SORCS3: variants seen among roughly 807,000 people sequenced by gnomAD.
SORCS3 encodes the protein VPS10 domain-containing receptor SorCS3.
A neutral mutation model predicts 146.3 loss-of-function variants in SORCS3; 57 were observed. The ratio of observed to expected loss-of-function variants is 0.39; its 90% CI spans 0.31 to 0.49. The LOEUF (loss-of-function observed/expected upper bound fraction) is 0.49, where lower values mean the gene tolerates loss of function less well. SORCS3 is among the 20% of genes least tolerant of loss of function. The pLI, the probability that SORCS3 is intolerant of heterozygous loss-of-function variation, is 0.92. For missense variants in SORCS3, 1,341 were observed against 1,575.5 expected, an observed-to-expected ratio of 0.85 and a Z score of 2.52; for synonymous variants, 653 against 618.5, an observed-to-expected ratio of 1.06 and a Z score of -0.83.
intron 6 of SORCS3, among the ~76,000 whole-genome samples, chr10:105,096,285 C>G (rs900645057): frequency 6.6e-6 from 1 of 152,148 alleles, no homozygotes; most frequent in Non-Finnish European, 1.5e-5. Flanking sequence ...AACCAACGCA[C>G]TAGATCTGAG....
chr10:104,822,043 T>G, intron 1 of SORCS3: 3 of 515,172 alleles, frequency 5.8e-6, no homozygotes, highest in Non-Finnish European at 3.9e-6. Context: ...AAGGTCCACA[T>G]TTGTTTCCAC....
intron 2 of SORCS3, among the ~76,000 whole-genome samples, chr10:104,861,811 G>A (rs1171630218): frequency 6.6e-6 from 1 of 152,128 alleles, no homozygotes; most frequent in East Asian, 1.9e-4. Context: ...CACCGTCCTG[G>A]AGGCTGAGTC....
chr10:105,195,739 A>G (rs1251738779), intron 14 of SORCS3, among the ~76,000 whole-genome samples: 1 of 152,202 alleles, frequency 6.6e-6, no homozygotes, highest in Non-Finnish European at 1.5e-5. Flanking sequence ...CAATGGGTGG[A>G]TCGATGTGGA....
intron 5 of SORCS3, among the ~76,000 whole-genome samples, chr10:105,078,465 G>A (rs1168492386): frequency 6.6e-6 from 1 of 151,916 alleles, no homozygotes; most frequent in Non-Finnish European, 1.5e-5. Context: ...TTCTCACTCT[G>A]TGTCAATAGT....
chr10:104,699,181 G>A (rs2016252005), intron 1 of SORCS3, among the ~76,000 whole-genome samples: 1 of 152,136 alleles, frequency 6.6e-6, no homozygotes, highest in African/African-American at 2.4e-5. Context: ...ACCACCAAAT[G>A]TCTTGCAGAC....
chr10:105,167,194 C>G, intron 12 of SORCS3, 64 bp from the exon 13 acceptor site: 1 of 1,270,942 alleles, frequency 7.9e-7, no homozygotes, highest in East Asian at 2.4e-5. Flanking sequence ...AGACTGTAAA[C>G]TGTTAAGCAC....
chr10:105,067,879 C>T (rs140662055), intron 5 of SORCS3, among the ~76,000 whole-genome samples: 2 of 152,098 alleles, frequency 1.3e-5, no homozygotes, highest in East Asian at 3.9e-4. Context: ...TGCATCTTTG[C>T]TTGCTTCTCT....
At chr10:104,731,220 A>G (rs759055548) in intron 1 of SORCS3, among the ~76,000 whole-genome samples, 5 of 152,142 alleles carry the variant, frequency 3.3e-5, no homozygotes, top group Non-Finnish European at 2.9e-5. Flanking sequence ...GAGAAACACC[A>G]TCACCCTCCA....
chr10:104,738,771 A>G (rs2016807815), intron 1 of SORCS3, among the ~76,000 whole-genome samples: 1 of 152,202 alleles, frequency 6.6e-6, no homozygotes, highest in Non-Finnish European at 1.5e-5. Flanking sequence ...TTGAGAACTG[A>G]TAGCAACTTA....
intron 6 of SORCS3, among the ~76,000 whole-genome samples, chr10:105,102,688 G>GA (rs1181778504): frequency 2.8e-5 from 4 of 145,012 alleles, no homozygotes; most frequent in Non-Finnish European, 3.0e-5. Flanking sequence ...GAAAGGAAAA[G>GA]AAAAAAAACA....
chr10:105,036,440 G>A (rs993389315), intron 4 of SORCS3, among the ~76,000 whole-genome samples: 2 of 152,158 alleles, frequency 1.3e-5, no homozygotes, highest in Admixed American at 6.5e-5. Flanking sequence ...TTGGCACTGA[G>A]CCTTGCACAT....
chr10:105,048,834 C>G (rs1328479452), intron 5 of SORCS3, among the ~76,000 whole-genome samples: 1 of 152,030 alleles, frequency 6.6e-6, no homozygotes, highest in Non-Finnish European at 1.5e-5. Context: ...TAAATATATA[C>G]ATGTGAGTGT....
intron 4 of SORCS3, among the ~76,000 whole-genome samples, chr10:105,003,998 C>CTTTTTTTTTTTTTTTTTT (rs35604992): frequency 0.03 from 4,013 of 135,036 alleles, 237 homozygotes; most frequent in Non-Finnish European, 0.042. Context: ...TCTCTTCTCT[C>CTTTTTTTTTTTTTTTTTT]TCTTTTTTTT....
At chr10:104,844,329 C>G (rs1209524419) in intron 2 of SORCS3, among the ~76,000 whole-genome samples, 3 of 152,114 alleles carry the variant, frequency 2.0e-5, no homozygotes, top group Non-Finnish European at 4.4e-5. Context: ...GTGGTGTCTG[C>G]TTGGTCAAAT....
rs780424121 is a variant in SORCS3 at position 105,245,635 on chromosome 10, A to G, written c.2962A>G (p.Ile988Val). The change falls in exon 21 of 27, where the codon ATC (isoleucine) becomes GTC (valine). Residue 988 changes from isoleucine to valine, a missense_variant. Transcript: ENST00000369701. ...TVQVAAGNALIQDTKEIAVHE... is the reference protein window; with the variant it reads ...TVQVAAGNALVQDTKEIAVHE... ...CCAGGTGGCTGCTGGGAATGCCCTC[A>G]TCCAGGACACAAAAGAGATTGCAGT... 1 of 1,613,996 alleles carries G rather than the reference A, an allele frequency of 6.2e-7. No homozygotes were observed. The highest frequency in any genetic ancestry group is 1.3e-5 in the African/African-American group (1 of 74,912).
chr10:105,074,815 C>T (rs1005881721), intron 5 of SORCS3, among the ~76,000 whole-genome samples: 3 of 151,576 alleles, frequency 2.0e-5, no homozygotes, highest in Admixed American at 1.3e-4. Flanking sequence ...CTGTCTACAC[C>T]AATATCATGT....
At chr10:104,927,739 G>A (rs1038175258) in intron 3 of SORCS3, among the ~76,000 whole-genome samples, 5 of 152,032 alleles carry the variant, frequency 3.3e-5, no homozygotes, top group South Asian at 2.1e-4. Context: ...TTAGCCAGGC[G>A]TGGTGGCGGG....
intron 1 of SORCS3, among the ~76,000 whole-genome samples, chr10:104,710,408 G>A (rs1447698580): frequency 6.6e-6 from 1 of 152,168 alleles, no homozygotes; most frequent in Non-Finnish European, 1.5e-5. Flanking sequence ...GCACTGTTCT[G>A]GCTCAGTAGT....
intron 3 of SORCS3, among the ~76,000 whole-genome samples, chr10:104,938,055 C>T (rs1161830783): frequency 6.6e-6 from 1 of 152,088 alleles, no homozygotes; most frequent in Non-Finnish European, 1.5e-5. Flanking sequence ...AATGTGTTTT[C>T]GGCACTTCCA....
Sources: gnomAD v4.1 joint callset for allele counts (sites outside exome capture counted in the v4.1 genomes callset) on GRCh38, gnomAD v4.1.1 for gene constraint, MANE v1.5 for transcripts, NCBI Gene and HGNC (gene_info 2026-07-23, HGNC 2026-07-21) for gene names.